B3GNT5: variants seen among roughly 807,000 people sequenced by gnomAD.
B3GNT5 encodes the protein UDP-GlcNAc:betaGal beta-1,3-N-acetylglucosaminyltransferase 5.
In B3GNT5, 11 loss-of-function variants were observed where a neutral mutation model predicts 25.9. The observed-to-expected ratio is 0.42, with a 90% CI of 0.27 to 0.70. B3GNT5 has a LOEUF of 0.70. Among genes scored for constraint, B3GNT5 ranks in the 30% least tolerant of loss-of-function variants. The probability of loss-of-function intolerance (pLI) is 0.23; values close to 1 mark genes in which losing one functional copy is unlikely to be tolerated. For missense variants in B3GNT5, 385 were observed against 458.4 expected (o/e 0.84, Z 1.46); for synonymous variants, 166 against 158.6 (o/e 1.05, Z -0.35).
rs1256163296 is a variant in B3GNT5, at chr3:183,267,646, A to G, written c.-301-1852A>G. ...GTCAGTCCTGTCCAAAGCCCAGGAA[A>G]CTAATGTACCACCCCCGAGGAAGAG... On this transcript the variant is annotated intron_variant, in intron 1 of 1. Transcript: ENST00000326505. This position sits in a 1 kb window ranked among gnomAD's most constrained non-coding sequence, Gnocchi z 5.5. Among the ~76,000 whole-genome samples, 1 of 152,252 alleles carries G rather than the reference A, an allele frequency of 6.6e-6. No individual in the cohort carries two copies. Among genetic ancestry groups the G allele is most frequent in the Non-Finnish European group, 1.5e-5 (1 of 68,048 alleles).
At chr3:183,254,796 A>G (rs1724885923) in intron 1 of B3GNT5, 1 of 152,238 alleles carries the variant, frequency 6.6e-6, no homozygotes, top group South Asian at 2.1e-4. Context: ...GGGGACAGGG[A>G]AGTGGGCAGG....
chr3:183,260,014 C>CCCCTG (rs1187879795), intron 1 of B3GNT5, among the ~76,000 whole-genome samples: 1 of 152,116 alleles, frequency 6.6e-6, no homozygotes, highest in Non-Finnish European at 1.5e-5. Context: ...CCCACCTCCT[C>CCCCTG]CCCTGCCCTC....
chr3:183,258,571 C>T (rs1433069316), intron 1 of B3GNT5, among the ~76,000 whole-genome samples: 2 of 152,214 alleles, frequency 1.3e-5, no homozygotes, highest in Non-Finnish European at 2.9e-5. Context: ...TCTTCATTCA[C>T]AGAGCACCTG....
chr3:183,261,886 G>A (rs1725617187), intron 1 of B3GNT5, among the ~76,000 whole-genome samples: 1 of 149,920 alleles, frequency 6.7e-6, no homozygotes, highest in South Asian at 2.1e-4. Flanking sequence ...TTCTAGATTG[G>A]TGTTTTTCAG....
chr3:183,260,022 C>T (rs1216608330), intron 1 of B3GNT5, among the ~76,000 whole-genome samples: 1 of 152,120 alleles, frequency 6.6e-6, no homozygotes, highest in Non-Finnish European at 1.5e-5. Context: ...CTCCCCTGCC[C>T]TCCCCTCCCG....
rs548081681 is a variant in B3GNT5, at chr3:183,253,712, G to C, written c.-302+240G>C. 8.5e-5 allele frequency: 13 copies of C among 152,468 alleles called. No homozygotes were observed. The East Asian group carries it at 1.5e-3, about 18-fold the overall frequency. 9.4% of individuals were successfully genotyped at this position (152,468 alleles called of 1,614,324 possible). On this transcript the variant is annotated intron_variant, in intron 1 of 1. Transcript: ENST00000326505. ...TCCTAATCCGCGGCGCTGCGGAACC[G>C]GTGTCCCGTGTGGGAGGAACCGCGG...
In B3GNT5 at chr3:183,253,386, G is replaced by A. The variant is rs1278257225; in HGVS notation, c.-388G>A. The stretch of plus-strand genomic sequence containing the variant: ...TAGCTCCGATGCGGGAAGGAAAGCC[G>A]ACCTCCGATTTGGACATTTAAAGAG... On this transcript the variant is annotated 5_prime_UTR_variant, in exon 1 of 2. Coordinates refer to ENST00000326505, the MANE Select transcript of B3GNT5 (RefSeq NM_032047.5). 1 of 152,212 alleles carries A rather than the reference G, an allele frequency of 6.6e-6. No homozygotes were observed. The highest frequency in any genetic ancestry group is 1.5e-5 in the Non-Finnish European group (1 of 68,048). 9.4% of individuals were successfully genotyped at this position (152,212 alleles called of 1,614,324 possible).
intron 1 of B3GNT5, among the ~76,000 whole-genome samples, chr3:183,264,201 C>T (rs1014549926): frequency 1.3e-5 from 2 of 152,204 alleles, no homozygotes; most frequent in African/African-American, 4.8e-5. Context: ...TCCCACCTCT[C>T]TGCTTTCAAA....
chr3:183,256,247 C>T (rs1332063745), intron 1 of B3GNT5, among the ~76,000 whole-genome samples: 2 of 152,130 alleles, frequency 1.3e-5, no homozygotes, highest in African/African-American at 4.8e-5. Context: ...GAAACTGAGG[C>T]ACAGTAAATT....
intron 1 of B3GNT5, among the ~76,000 whole-genome samples, chr3:183,269,229 G>GTTTTTTTTTTTTTTTTTTTT (rs1305607255): frequency 1.3e-5 from 1 of 77,022 alleles, no homozygotes; most frequent in Admixed American, 1.2e-4. Context: ...CGTTTGGGAA[G>GTTTTTTTTTTTTTTTTTTTT]CTTTTTTTTT....
At position 183,273,280 on chromosome 3, in the gene B3GNT5, A is replaced by G; in HGVS notation, c.*2345A>G. The G allele has an allele frequency of 5.9e-6, 2 of 336,198 alleles. No homozygotes were observed. Among genetic ancestry groups the G allele is most frequent in the Non-Finnish European group, 1.1e-5 (2 of 177,842 alleles). The allele number at this position is 336,198 out of a possible 1,614,324, so 20.8% of individuals were successfully genotyped here. On this transcript the variant is annotated 3_prime_UTR_variant, in exon 2 of 2. Transcript: ENST00000326505. ...CTTTTTTCCATATTGTTAATTTTAT[A>G]CCAAAATGTTAAATATTTGTATTAC...
At chr3:183,263,058 G>C (rs1380828449) in intron 1 of B3GNT5, among the ~76,000 whole-genome samples, 1 of 152,028 alleles carries the variant, frequency 6.6e-6, no homozygotes, top group South Asian at 2.1e-4. Context: ...GAAGGTTCTC[G>C]ATGAATATTT....
intron 1 of B3GNT5, among the ~76,000 whole-genome samples, chr3:183,259,155 T>C (rs1429917924): frequency 6.6e-6 from 1 of 152,196 alleles, no homozygotes; most frequent in East Asian, 1.9e-4. Context: ...CCCAACATAA[T>C]GCAACATTTC....
In B3GNT5 at chr3:183,269,560, G is replaced by T; in HGVS notation, c.-239G>T. On this transcript the variant is annotated 5_prime_UTR_variant, in exon 2 of 2. The change abolishes an upstream ATG in the 5' untranslated region. Transcript: ENST00000326505. ...CCGCCCACCACGCTTCCTGAAGGAT[G>T]CCCGTGTGGAAGAATTTTGACGTGC... 2.3e-6 allele frequency: 1 copy of T among 437,856 alleles called. No individual in the cohort carries two copies. Among genetic ancestry groups the T allele is most frequent in the Non-Finnish European group, 4.0e-6 (1 of 249,050 alleles). The allele number at this position is 437,856 out of a possible 1,614,324, so 27.1% of individuals were successfully genotyped here. A position where few individuals can be genotyped will look rare whatever the true frequency, so the allele number is the denominator to read the frequency against.
Position 183,272,514 on chromosome 3 carries a change from A to T in B3GNT5, c.*1579A>T. The T allele has an allele frequency of 1.0e-6, 1 of 995,646 alleles. No individual in the cohort carries two copies. The highest frequency in any genetic ancestry group is 1.2e-6 in the Non-Finnish European group (1 of 826,082). The allele number at this position is 995,646 out of a possible 1,614,324, so 61.7% of individuals were successfully genotyped here. On this transcript the variant is annotated 3_prime_UTR_variant, in exon 2 of 2. Coordinates refer to ENST00000326505, the MANE Select transcript of B3GNT5 (RefSeq NM_032047.5). Reference sequence around the variant, plus strand: ...GCAGGTAGCTTTTTAATGTTTACAGAAATTTTAATTTTTTTCTATTTTGAA... The same window carrying T: ...GCAGGTAGCTTTTTAATGTTTACAGTAATTTTAATTTTTTTCTATTTTGAA...
intron 1 of B3GNT5, among the ~76,000 whole-genome samples, chr3:183,262,175 A>G (rs1322607982): frequency 6.6e-6 from 1 of 150,646 alleles, no homozygotes; most frequent in Non-Finnish European, 1.5e-5. Flanking sequence ...GTTTTATGAT[A>G]CTTTATTATA....
At chr3:183,258,734 CTTTT>C (rs75257179) in intron 1 of B3GNT5, among the ~76,000 whole-genome samples, 1 of 151,286 alleles carries the variant, frequency 6.6e-6, no homozygotes, top group African/African-American at 2.4e-5. Context: ...CCCATGTACT[CTTTT>C]TTTTTATTTT....
At position 183,270,016 on chromosome 3, in the gene B3GNT5, A is replaced by T. The variant is rs571530926; in HGVS notation, c.218A>T (p.Tyr73Phe). 2 of 1,614,142 alleles carry T rather than the reference A, an allele frequency of 1.2e-6. No homozygotes were observed. The highest frequency in any genetic ancestry group is 2.2e-5 in the East Asian group (1 of 44,872). Residue 73 changes from tyrosine (Y) to phenylalanine (F), a missense_variant, in exon 2 of 2, where the codon TAC becomes TTC. Coordinates refer to ENST00000326505, the MANE Select transcript of B3GNT5 (RefSeq NM_032047.5). This position sits in a 1 kb window ranked among gnomAD's most constrained non-coding sequence, Gnocchi z 4.5. Reference protein sequence around the residue: ...SLKHTSAGPRYQYLINHKEKC... With the variant: ...SLKHTSAGPRFQYLINHKEKC... The stretch of plus-strand genomic sequence containing the variant: ...AAGCACACCTCAGCGGGGCCTCGCT[A>T]CCAATACTTGATTAACCACAAGGAA...
intron 1 of B3GNT5, among the ~76,000 whole-genome samples, chr3:183,259,435 T>C (rs1725383080): frequency 6.6e-6 from 1 of 152,258 alleles, no homozygotes. Context: ...TTTATTCATC[T>C]ACCTTATGAT....
Sources: allele counts gnomAD v4.1 joint callset (sites outside exome capture counted in the v4.1 genomes callset), GRCh38; gene constraint gnomAD v4.1.1; non-coding constraint Gnocchi (gnomAD v3.1); transcripts MANE v1.5; gene names NCBI Gene and HGNC (gene_info 2026-07-23, HGNC 2026-07-21).